The following IGFL2 variants were observed in gnomAD, a reference collection of about 807,000 sequenced individuals.
IGFL2 encodes insulin growth factor-like family member 2.
Under a neutral mutation model 13.9 loss-of-function variants are expected in IGFL2, and 7 were observed. The ratio of observed to expected loss-of-function variants is 0.51; its 90% CI spans 0.29 to 0.95. IGFL2 has a LOEUF of 0.95. Among genes scored for constraint, IGFL2 ranks in the 40% least tolerant of loss-of-function variants. IGFL2 has a pLI of 0.08. For synonymous variants in IGFL2, 55 were observed against 55.8 expected, an observed-to-expected ratio of 0.99 and a Z score of 0.07; for missense variants, 138 against 147.8, an observed-to-expected ratio of 0.93 and a Z score of 0.34.
chr19:46,092,336 A>T, the IGFL2 span, among the ~76,000 whole-genome samples: 2,163 of 146,816 alleles, frequency 0.015, 32 homozygotes, highest in Middle Eastern at 0.028. Context: ...ATTAAAAAAA[A>T]TTTTTTTTTT....
At chr19:46,184,082 A>G in the IGFL2 span, among the ~76,000 whole-genome samples, 7 of 152,130 alleles carry the variant, frequency 4.6e-5, no homozygotes, top group African/African-American at 1.7e-4. Context: ...TTTTCTCATT[A>G]TTTAATTCTA....
chr19:46,140,251 A>G (rs1460704153), upstream of IGFL2, among the ~76,000 whole-genome samples: 2 of 149,528 alleles, frequency 1.3e-5, no homozygotes, highest in South Asian at 4.2e-4. Flanking sequence ...CAGCCTATAT[A>G]TATATATATA....
chr19:46,181,539 C>G, the IGFL2 span, among the ~76,000 whole-genome samples: 3 of 152,334 alleles, frequency 2.0e-5, no homozygotes, highest in South Asian at 4.1e-4. Flanking sequence ...AAGCACTGAT[C>G]TTTGAGAGAG....
chr19:46,154,475 GCT>G lies in IGFL2; in HGVS notation c.20-5937_20-5936del, dbSNP rs1241261202. Among the ~76,000 whole-genome samples the G allele has an allele frequency of 7.9e-5, 12 of 152,146 alleles. No homozygotes were observed. The East Asian group carries it at 1.9e-3, about 25-fold the overall frequency. ...TTTGTTTTGTTTTTGACGGAGTCTC[GCT>G]CTGTCGCCCAGGCTGGAGTGCAGTG... On this transcript the variant is annotated intron_variant, in intron 1 of 3. Coordinates refer to ENST00000377693, the MANE Select transcript of IGFL2 (RefSeq NM_001135113.2).
the IGFL2 span, among the ~76,000 whole-genome samples, chr19:46,121,695 G>T: frequency 6.6e-6 from 1 of 150,850 alleles, no homozygotes; most frequent in African/African-American, 2.5e-5. Flanking sequence ...GTAAAGAAAG[G>T]CAGATTTTTT....
the IGFL2 span, among the ~76,000 whole-genome samples, chr19:46,097,853 T>C: frequency 6.6e-6 from 1 of 152,238 alleles, no homozygotes; most frequent in Admixed American, 6.5e-5. Flanking sequence ...CTAATTTGAT[T>C]GCACTGTGGT....
At chr19:46,137,050 TGGACGA>T in the IGFL2 span, 1 of 1,593,538 alleles carries the variant, frequency 6.3e-7, no homozygotes, top group Non-Finnish European at 8.6e-7. Flanking sequence ...AGATCACTGA[TGGACGA>T]GCCAAAACTG....
At chr19:46,152,030 A>C (rs1310434475) in intron 1 of IGFL2, among the ~76,000 whole-genome samples, 1 of 152,192 alleles carries the variant, frequency 6.6e-6, no homozygotes, top group Admixed American at 6.5e-5. Flanking sequence ...TTATTTACAT[A>C]TTCTTAATTC....
At chr19:46,084,728 G>A in the IGFL2 span, among the ~76,000 whole-genome samples, 10 of 152,254 alleles carry the variant, frequency 6.6e-5, no homozygotes, top group South Asian at 2.1e-3. Flanking sequence ...ACCAAGGGAT[G>A]GCACTAAGCC....
At chr19:46,125,324 A>G in the IGFL2 span, among the ~76,000 whole-genome samples, 1 of 152,194 alleles carries the variant, frequency 6.6e-6, no homozygotes, top group South Asian at 2.1e-4. Flanking sequence ...ATGGTCAGGG[A>G]AAGTACTAAA....
downstream of IGFL2, chr19:46,161,318 CTT>C (rs71175262): frequency 0.035 from 8,166 of 235,150 alleles, no homozygotes; most frequent in East Asian, 0.052. Flanking sequence ...CGTCTCCTTT[CTT>C]TTTTTTTTTT....
At chr19:46,098,306 A>G in the IGFL2 span, among the ~76,000 whole-genome samples, 1 of 152,034 alleles carries the variant, frequency 6.6e-6, no homozygotes, top group Non-Finnish European at 1.5e-5. Context: ...CTGTTTTGTC[A>G]GAAACTAGGA....
At chr19:46,203,591 T>C in the IGFL2 span, 1 of 152,382 alleles carries the variant, frequency 6.6e-6, no homozygotes, top group Non-Finnish European at 1.5e-5. Context: ...GCTTGAAGTG[T>C]GCAGATGGAA....
chr19:46,148,880 T>C, intron 1 of IGFL2: 1 of 1,537,408 alleles, frequency 6.5e-7, no homozygotes, highest in Non-Finnish European at 8.8e-7. Context: ...AGATCTGCAA[T>C]CTGTTGGGAC....
the IGFL2 span, chr19:46,137,307 T>C: frequency 3.3e-3 from 3,524 of 1,055,014 alleles, 83 homozygotes; most frequent in African/African-American, 0.047. Flanking sequence ...TATTATCTCC[T>C]TCGTAGGCTC....
At chr19:46,166,593 C>T in the IGFL2 span, among the ~76,000 whole-genome samples, 1 of 152,182 alleles carries the variant, frequency 6.6e-6, no homozygotes, top group Non-Finnish European at 1.5e-5. Context: ...CGGGAATTTC[C>T]TCTTCCTAAT....
At chr19:46,148,692 C>T (rs1973272368) in intron 1 of IGFL2, 1 of 588,786 alleles carries the variant, frequency 1.7e-6, no homozygotes, top group Non-Finnish European at 2.9e-6. Flanking sequence ...TGGGCTCAGA[C>T]TCAGAAGGGA....
the IGFL2 span, among the ~76,000 whole-genome samples, chr19:46,096,024 A>T: frequency 2.6e-5 from 4 of 152,172 alleles, no homozygotes; most frequent in African/African-American, 9.7e-5. Flanking sequence ...TTCCATATGA[A>T]TTTTAAAGCA....
chr19:46,200,440 C>G, the IGFL2 span, among the ~76,000 whole-genome samples: 19 of 149,748 alleles, frequency 1.3e-4, no homozygotes, highest in African/African-American at 4.2e-4. Flanking sequence ...TGTCAAAGTG[C>G]TGGGATTACA....
Sources: allele counts gnomAD v4.1 joint callset (sites outside exome capture counted in the v4.1 genomes callset), GRCh38; gene constraint gnomAD v4.1.1; transcripts MANE v1.5; gene names NCBI Gene and HGNC (gene_info 2026-07-23, HGNC 2026-07-21).